The following SYTL2 variants were observed in gnomAD, a reference collection of about 807,000 sequenced individuals.
SYTL2 encodes synaptotagmin-like protein 2.
SYTL2 carries 165 observed loss-of-function variants against 198.7 expected under a neutral mutation model. The ratio of observed to expected loss-of-function variants is 0.83; its 90% CI spans 0.73 to 0.94. The LOEUF (loss-of-function observed/expected upper bound fraction) is 0.94, where lower values mean the gene tolerates loss of function less well. Ranked by LOEUF, SYTL2 falls within the 40% of genes least tolerant of loss-of-function variation. The pLI, the probability that SYTL2 is intolerant of heterozygous loss-of-function variation, is 0.00. For synonymous variants in SYTL2, 966 were observed against 917.7 expected (o/e 1.05, Z -0.95); for missense variants, 2,835 against 2,582.8 (o/e 1.10, Z -2.12).
chr11:85,754,226 G>T (rs1367422194), intron 2 of SYTL2, among the ~76,000 whole-genome samples: 1 of 152,156 alleles, frequency 6.6e-6, no homozygotes, highest in Non-Finnish European at 1.5e-5. Context: ...AATGGATAAA[G>T]GTCATTAGAT....
At chr11:85,714,825 A>T in intron 11 of SYTL2, 1 of 398,422 alleles carries the variant, frequency 2.5e-6, no homozygotes, top group Non-Finnish European at 3.7e-6. Flanking sequence ...TTATTTTTTC[A>T]CAACAGAGCT....
intron 2 of SYTL2, among the ~76,000 whole-genome samples, chr11:85,752,941 AAAAAAAAAAAC>A (rs2091618037): frequency 1.4e-5 from 2 of 144,644 alleles, no homozygotes; most frequent in African/African-American, 5.2e-5. Flanking sequence ...AAAAAAAAAA[AAAAAAAAAAAC>A]ACAACTAGGT....
intron 3 of SYTL2, 35 bp downstream of exon 3, chr11:85,748,237 T>A (rs1021690434): frequency 6.3e-7 from 1 of 1,595,902 alleles, no homozygotes; most frequent in East Asian, 2.2e-5. Context: ...CCCAAACGAA[T>A]GCTTGTTGTA....
chr11:85,700,470 G>T, intron 17 of SYTL2, 45 bp downstream of exon 17: 1 of 1,459,290 alleles, frequency 6.9e-7, no homozygotes, highest in East Asian at 2.3e-5. Context: ...TGAGAAGGGA[G>T]GGATAAGGAA....
chr11:85,705,195 A>G, intron 15 of SYTL2, 167 bp from the exon 16 acceptor site: 3 of 509,300 alleles, frequency 5.9e-6, no homozygotes, highest in Non-Finnish European at 1.0e-5. Flanking sequence ...TCTTGTTTCA[A>G]AGAGCTAAAA....
chr11:85,726,728 G>A lies in SYTL2; in HGVS notation c.2630C>T (p.Ser877Phe), dbSNP rs1171173411. ...QLSNSYSSNKSKETKPQIAGP... is the reference protein window; with the variant it reads ...QLSNSYSSNKFKETKPQIAGP... ...TGCTATTTGTGGCTTGGTCTCTTTA[G>A]ATTTATTTGAGGAATAAGAATTGGA... The change falls in exon 8 of 20, where the codon TCT (serine) becomes TTT (phenylalanine). Residue 877 changes from serine to phenylalanine, a missense_variant. Ser to Phe is a radical substitution (Grantham distance 155). This residue lies in a region of SYTL2 where 2,645 missense variants were observed against 2,381.7 expected (regional missense o/e 1.11). Transcript: ENST00000359152. 1 of 1,536,106 alleles carries A rather than the reference G, an allele frequency of 6.5e-7. No homozygotes were observed. Among genetic ancestry groups the A allele is most frequent in the East Asian group, 2.4e-5 (1 of 40,918 alleles).
intron 1 of SYTL2, among the ~76,000 whole-genome samples, chr11:85,801,709 C>T (rs549736416): frequency 2.0e-5 from 3 of 152,230 alleles, no homozygotes; most frequent in African/African-American, 7.2e-5. Flanking sequence ...GATAAAGGGT[C>T]AGATTGTAGC....
At chr11:85,762,518 G>C (rs1041957361) in intron 1 of SYTL2, among the ~76,000 whole-genome samples, 32 of 152,228 alleles carry the variant, frequency 2.1e-4, no homozygotes, top group African/African-American at 7.7e-4. Context: ...ACTGACCATT[G>C]ACTAAAACTC....
chr11:85,695,098 G>T lies in SYTL2; in HGVS notation c.*97C>A. Reference sequence around the variant, plus strand: ...TGTGTAGTATTCCTTAGGTGCAATAGATAGAAAGTGAGGATATTTGTCCAC... The same window carrying T: ...TGTGTAGTATTCCTTAGGTGCAATATATAGAAAGTGAGGATATTTGTCCAC... On this transcript the variant is annotated 3_prime_UTR_variant, in exon 20 of 20. Transcript: ENST00000359152. 1 of 1,315,822 alleles carries T rather than the reference G, an allele frequency of 7.6e-7. No homozygotes were observed. Among genetic ancestry groups the T allele is most frequent in the Non-Finnish European group, 1.1e-6 (1 of 947,158 alleles). 81.5% of individuals were successfully genotyped at this position (1,315,822 alleles called of 1,614,324 possible). A position where few individuals can be genotyped will look rare whatever the true frequency, so the allele number is the denominator to read the frequency against.
rs2089334044 is a variant in SYTL2, at chr11:85,727,504, C to T, written c.1854G>A (p.Leu618=). The T allele has an allele frequency of 6.5e-7, 1 of 1,535,824 alleles. No individual in the cohort carries two copies. Among genetic ancestry groups the T allele is most frequent in the African/African-American group, 1.4e-5 (1 of 73,004 alleles). ...CTTCCTTTGGGGTGCCTTTTTGGGACAAATTCATGAATTTGGATTTGATAT... is the reference window on the plus strand; with the variant it reads ...CTTCCTTTGGGGTGCCTTTTTGGGATAAATTCATGAATTTGGATTTGATAT... ...NVNIKSKFMN[L]SQKGTPKEGP... is the part of the protein sequence containing the mutation. The change falls in exon 8 of 20, where the codon TTG becomes TTA. Residue 618 remains leucine, a synonymous_variant. Coordinates refer to ENST00000359152, the MANE Select transcript of SYTL2 (RefSeq NM_206927.4).
chr11:85,754,334 A>G (rs539751786), intron 2 of SYTL2, among the ~76,000 whole-genome samples: 1 of 152,318 alleles, frequency 6.6e-6, no homozygotes, highest in African/African-American at 2.4e-5. Flanking sequence ...TAGGTGCTCA[A>G]TTAACTTCTA....
chr11:85,766,948 TA>T (rs1363966975), intron 1 of SYTL2, among the ~76,000 whole-genome samples: 3 of 152,218 alleles, frequency 2.0e-5, no homozygotes, highest in Non-Finnish European at 4.4e-5. Context: ...TAAACAGCAG[TA>T]TTCAAATCTG....
the SYTL2 span, among the ~76,000 whole-genome samples, chr11:85,820,769 A>G: frequency 2.0e-5 from 3 of 152,256 alleles, no homozygotes; most frequent in African/African-American, 4.8e-5. Flanking sequence ...AACGTTCTAC[A>G]TCTTCATTTG....
intron 14 of SYTL2, chr11:85,708,028 TGA>T (rs1443824443): frequency 2.9e-6 from 1 of 342,076 alleles, no homozygotes; most frequent in Non-Finnish European, 5.6e-6. Flanking sequence ...CTGGGTGTGG[TGA>T]TGCATGCCTG....
At chr11:85,741,000 A>C (rs775205784) in intron 4 of SYTL2, among the ~76,000 whole-genome samples, 1 of 152,234 alleles carries the variant, frequency 6.6e-6, no homozygotes, top group Non-Finnish European at 1.5e-5. Context: ...CATTTAAAAA[A>C]GGTTTTTAAC....
chr11:85,804,916 C>A (rs2092937999), intron 1 of SYTL2, among the ~76,000 whole-genome samples: 5 of 152,130 alleles, frequency 3.3e-5, no homozygotes, highest in Admixed American at 3.3e-4. Context: ...AACAGTAGCA[C>A]CAGAAAGGAA....
the SYTL2 span, among the ~76,000 whole-genome samples, chr11:85,833,098 A>AGAAAGAAGGAAG: frequency 1.5e-4 from 5 of 32,530 alleles, no homozygotes; most frequent in Non-Finnish European, 2.1e-4. Flanking sequence ...AAAGAAAGAA[A>AGAAAGAAGGAAG]GAAGGAAGGA....
chr11:85,765,857 A>G (rs2092225767), intron 1 of SYTL2, among the ~76,000 whole-genome samples: 1 of 152,200 alleles, frequency 6.6e-6, no homozygotes, highest in African/African-American at 2.4e-5. Flanking sequence ...GCTAGGCCAC[A>G]GGTTTAAACT....
At chr11:85,772,417 G>C (rs558549407) in intron 1 of SYTL2, among the ~76,000 whole-genome samples, 2 of 152,180 alleles carry the variant, frequency 1.3e-5, no homozygotes, top group Non-Finnish European at 2.9e-5. Context: ...TATCTGACTT[G>C]CTATCTATGA....
Sources: allele counts gnomAD v4.1 joint callset (sites outside exome capture counted in the v4.1 genomes callset), GRCh38; gene constraint gnomAD v4.1.1; regional missense constraint gnomAD v4.1.1; transcripts MANE v1.5; gene names NCBI Gene and HGNC (gene_info 2026-07-23, HGNC 2026-07-21).